The following GDPD4 variants were observed in gnomAD, a reference collection of about 807,000 sequenced individuals.
The protein encoded by GDPD4 is glycerophosphodiester phosphodiesterase domain containing 4.
GDPD4 carries 60 observed loss-of-function variants against 67.8 expected under a neutral mutation model. That is an observed-to-expected ratio of 0.88 (90% CI 0.72 to 1.10). The LOEUF (loss-of-function observed/expected upper bound fraction) is 1.10. Among genes scored for constraint, GDPD4 ranks in the 50% least tolerant of loss-of-function variants. The pLI is 0.00. For synonymous variants in GDPD4, 212 were observed against 210.9 expected (o/e 1.00, Z -0.04); for missense variants, 623 against 613.9 (o/e 1.01, Z -0.16).
At chr11:77,219,213 C>T (rs545470001) in intron 16 of GDPD4, among the ~76,000 whole-genome samples, 136 of 152,274 alleles carry the variant, frequency 8.9e-4, no homozygotes, top group African/African-American at 3.0e-3. Context: ...CTGTTCATAT[C>T]CTTTGCCCAC....
At chr11:77,262,639 C>T (rs916946613) in intron 10 of GDPD4, among the ~76,000 whole-genome samples, 2 of 151,924 alleles carry the variant, frequency 1.3e-5, no homozygotes, top group South Asian at 2.1e-4. Context: ...GTTTGAGGAC[C>T]CCCACAGAGG....
At chr11:77,245,538 C>T (rs1310486515) in intron 11 of GDPD4, 36 bp from the exon 12 acceptor site, 1 of 1,445,300 alleles carries the variant, frequency 6.9e-7, no homozygotes, top group Admixed American at 1.7e-5. Context: ...CATAAAAGCA[C>T]TTTCCAGTTC....
At chr11:77,269,111 TAA>T (rs1329506026) in intron 8 of GDPD4, 42 bp from the exon 9 acceptor site, 26 of 1,587,598 alleles carry the variant, frequency 1.6e-5, no homozygotes, top group Non-Finnish European at 2.1e-5. Context: ...GAAAAAGAGA[TAA>T]AGAGGGATGG....
intron 13 of GDPD4, 81 bp from the exon 14 acceptor site, chr11:77,233,253 G>A (rs1010475014): frequency 7.3e-7 from 1 of 1,377,120 alleles, no homozygotes; most frequent in African/African-American, 1.4e-5. Context: ...CACCATGTTT[G>A]TGAAAGGCTG....
chr11:77,218,879 G>C (rs1958175521), intron 16 of GDPD4, among the ~76,000 whole-genome samples: 3 of 152,032 alleles, frequency 2.0e-5, no homozygotes, highest in Admixed American at 2.0e-4. Flanking sequence ...ATGGTAACAT[G>C]ATTTATAATC....
intron 1 of GDPD4, among the ~76,000 whole-genome samples, chr11:77,297,727 T>C (rs1207727193): frequency 3.9e-5 from 6 of 152,150 alleles, no homozygotes; most frequent in Non-Finnish European, 7.3e-5. Flanking sequence ...AGTGAATCAA[T>C]AGACGTGAAG....
intron 15 of GDPD4, among the ~76,000 whole-genome samples, chr11:77,228,860 G>T (rs1320669840): frequency 1.3e-5 from 2 of 152,170 alleles, no homozygotes; most frequent in Non-Finnish European, 2.9e-5. Context: ...GGAGGCACTT[G>T]TTCTGGACAA....
intron 13 of GDPD4, among the ~76,000 whole-genome samples, chr11:77,236,188 CCTT>C (rs1306160595): frequency 2.0e-5 from 3 of 151,718 alleles, no homozygotes; most frequent in Admixed American, 6.6e-5. Flanking sequence ...TTTTTTCCTC[CCTT>C]TTTTTCTTGT....
chr11:77,275,196 C>T (rs1460373206), intron 5 of GDPD4, among the ~76,000 whole-genome samples: 2 of 152,052 alleles, frequency 1.3e-5, no homozygotes, highest in Non-Finnish European at 2.9e-5. Context: ...TGTCTAATTA[C>T]TATGTATCAA....
Position 77,243,725 on chromosome 11 carries a change from C to G in GDPD4, c.1210G>C (p.Asp404His). The change falls in exon 13 of 17, where the codon GAC becomes CAC. Residue 404 changes from aspartate (D) to histidine (H), a missense_variant. Asp to His is a moderately conservative substitution (Grantham distance 81, BLOSUM62 -1). Transcript: ENST00000315938. ...CCATTAGGGAACAACTTCTTGTAGTCAACATTTATTATACTGATATTGTTT... is the reference window on the plus strand; with the variant it reads ...CCATTAGGGAACAACTTCTTGTAGTGAACATTTATTATACTGATATTGTTT... ...AKNNISIINV[D>H]YKKLFPNGLR... The G allele has an allele frequency of 2.5e-6, 4 of 1,610,298 alleles. No homozygotes were observed. Among genetic ancestry groups the G allele is most frequent in the Non-Finnish European group, 3.4e-6 (4 of 1,177,580 alleles).
At chr11:77,234,832 G>A (rs1298228527) in intron 13 of GDPD4, among the ~76,000 whole-genome samples, 2 of 152,004 alleles carry the variant, frequency 1.3e-5, no homozygotes, top group African/African-American at 2.4e-5. Context: ...CTTTTTAGTA[G>A]AACAATTTAT....
chr11:77,219,736 A>G (rs1039506834), intron 16 of GDPD4, among the ~76,000 whole-genome samples: 1 of 100,300 alleles, frequency 1.0e-5, no homozygotes, highest in Admixed American at 1.2e-4. Flanking sequence ...CCATTGGTCT[A>G]TATCTCTGTT....
Position 77,243,860 on chromosome 11 carries a change from A to G in GDPD4, c.1087-12T>C, listed in dbSNP as rs1202206606. The G allele has an allele frequency of 2.5e-6, 4 of 1,606,512 alleles. No homozygotes were observed. The highest frequency in any genetic ancestry group is 1.7e-5 in the Admixed American group (1 of 59,640). ...GGCAACCAAAAAATCTCTAAGGAGA[A>G]ACAAGAAGTCCCTCAGTAGATAATC... On this transcript the variant is annotated splice_polypyrimidine_tract_variant and intron_variant, in intron 12 of 16. Coordinates refer to ENST00000315938, the MANE Select transcript of GDPD4 (RefSeq NM_182833.3).
At chr11:77,221,212 G>C (rs911039714) in intron 16 of GDPD4, among the ~76,000 whole-genome samples, 1 of 151,868 alleles carries the variant, frequency 6.6e-6, no homozygotes, top group Admixed American at 6.6e-5. Context: ...TTTTTTGAAG[G>C]GTTTTTTTGT....
chr11:77,249,123 G>A (rs2135849179), intron 11 of GDPD4, among the ~76,000 whole-genome samples: 1 of 151,326 alleles, frequency 6.6e-6, no homozygotes, highest in Non-Finnish European at 1.5e-5. Flanking sequence ...AAAATTAGCT[G>A]GGCGTGGTGG....
At chr11:77,256,375 A>C (rs577976679) in intron 11 of GDPD4, among the ~76,000 whole-genome samples, 2 of 152,358 alleles carry the variant, frequency 1.3e-5, no homozygotes, top group South Asian at 4.1e-4. Flanking sequence ...GAAACCTAGA[A>C]TATCAGAGTA....
At chr11:77,269,476 G>A (rs1354101728) in intron 8 of GDPD4, among the ~76,000 whole-genome samples, 1 of 152,160 alleles carries the variant, frequency 6.6e-6, no homozygotes, top group Non-Finnish European at 1.5e-5. Flanking sequence ...AGGCAGTACA[G>A]TATAGTGGAA....
intron 13 of GDPD4, among the ~76,000 whole-genome samples, chr11:77,242,003 T>A (rs1225426580): frequency 6.6e-6 from 1 of 151,938 alleles, no homozygotes; most frequent in Non-Finnish European, 1.5e-5. Flanking sequence ...AAGGCTAATG[T>A]TGGTTACTGA....
At chr11:77,236,644 T>C (rs112398109) in intron 13 of GDPD4, among the ~76,000 whole-genome samples, 2,281 of 152,234 alleles carry the variant, frequency 0.015, 29 homozygotes, top group South Asian at 0.025. Context: ...AAGGGACATT[T>C]CATAATGAAG....
Sources: allele counts gnomAD v4.1 joint callset (sites outside exome capture counted in the v4.1 genomes callset), GRCh38; gene constraint gnomAD v4.1.1; transcripts MANE v1.5; gene names NCBI Gene and HGNC (gene_info 2026-07-23, HGNC 2026-07-21).